CLDN10: variants seen among roughly 807,000 people sequenced by gnomAD.
CLDN10 encodes claudin-10.
Under a neutral mutation model 22.9 loss-of-function variants are expected in CLDN10, and 15 were observed. The observed-to-expected ratio is 0.65, with a 90% CI of 0.44 to 1.01. CLDN10 has a LOEUF of 1.01. CLDN10 is among the 50% of genes least tolerant of loss of function. CLDN10 has a pLI of 0.00. For synonymous variants in CLDN10, 114 were observed against 111.4 expected, an observed-to-expected ratio of 1.02 and a Z score of -0.15; for missense variants, 247 against 287.8, an observed-to-expected ratio of 0.86 and a Z score of 1.03.
intron 1 of CLDN10, among the ~76,000 whole-genome samples, chr13:95,440,645 C>A (rs887359679): frequency 2.0e-5 from 3 of 152,200 alleles, no homozygotes; most frequent in African/African-American, 7.2e-5. Flanking sequence ...AGCTGCATTC[C>A]AGCCTGGGTG....
chr13:95,455,899 C>T (rs961647631), intron 1 of CLDN10, among the ~76,000 whole-genome samples: 1 of 152,218 alleles, frequency 6.6e-6, no homozygotes, highest in African/African-American at 2.4e-5. Flanking sequence ...AGGTCACACT[C>T]CCTTACCAAC....
intron 1 of CLDN10, among the ~76,000 whole-genome samples, chr13:95,466,926 G>T (rs1299339229): frequency 4.1e-5 from 6 of 147,714 alleles, no homozygotes; most frequent in Non-Finnish European, 7.4e-5. Flanking sequence ...TCCCAGGCTG[G>T]AGTGCAGTGG....
intron 1 of CLDN10, among the ~76,000 whole-genome samples, chr13:95,443,652 C>T (rs1052042967): frequency 6.6e-6 from 1 of 152,174 alleles, no homozygotes; most frequent in Non-Finnish European, 1.5e-5. Context: ...ATACTTTCAG[C>T]AGGCTTTGGA....
chr13:95,438,367 AGT>A lies in CLDN10; in HGVS notation c.214+4322_214+4323del, dbSNP rs2042292342. On this transcript the variant is annotated intron_variant, in intron 1 of 4. Coordinates refer to the CLDN10 transcript ENST00000376873. The stretch of plus-strand genomic sequence containing the variant: ...TGATCCTCCAGCCTAGGCCTCCCAG[AGT>A]GCTGGGATTACAGGCATGGGCCATC... Among the ~76,000 whole-genome samples, 4 of 152,296 alleles carry A rather than the reference AGT, an allele frequency of 2.6e-5. No homozygotes were observed. In the South Asian group the frequency reaches 8.3e-4, roughly 32 times the overall value.
intron 1 of CLDN10, among the ~76,000 whole-genome samples, chr13:95,535,934 G>T (rs1269049218): frequency 2.6e-5 from 4 of 152,070 alleles, no homozygotes; most frequent in Non-Finnish European, 4.4e-5. Context: ...ACAAGATAAA[G>T]AATGGGGACT....
At position 95,577,933 on chromosome 13, in the gene CLDN10, T is replaced by C. The variant is rs1197307811; in HGVS notation, c.606T>C (p.Ser202=). Residue 202 remains serine (S), a synonymous_variant, in exon 5 of 5, where the codon TCT becomes TCC. Transcript: ENST00000299339. ...ACAACGGGGCCACATCTGTCATGTC[T>C]TCTCGGACAAAGTATCATGGTGGAG... ...YTYNGATSVM[S]SRTKYHGGED... 10 of 1,613,870 alleles carry C rather than the reference T, an allele frequency of 6.2e-6. No homozygotes were observed. The South Asian group carries it at 1.1e-4, about 18-fold the overall frequency.
At position 95,533,098 on chromosome 13, in the gene CLDN10, T is replaced by C. The variant is rs143970689; in HGVS notation, c.215-27034T>C. Among the ~76,000 whole-genome samples, 444 of 152,120 alleles carry C rather than the reference T, an allele frequency of 2.9e-3. 1 individual carries two copies. Among genetic ancestry groups the C allele is most frequent in the African/African-American group, 0.01 (432 of 41,542 alleles). On this transcript the variant is annotated intron_variant, in intron 1 of 4. Coordinates refer to the CLDN10 transcript ENST00000376873. ...TACACTTAAGATTTATAAATTTCAT[T>C]GTATGTAATTTTTACATCAAAAGAA...
intron 1 of CLDN10, among the ~76,000 whole-genome samples, chr13:95,513,688 C>CGAGAAACTGAGAAAATGAAAAGGCTGT (rs1555294612): frequency 6.6e-6 from 1 of 152,164 alleles, no homozygotes; most frequent in Non-Finnish European, 1.5e-5. Flanking sequence ...ATCATTCATT[C>CGAGAAACTGAGAAAATGAAAAGGCTGT]ATAGATACAT....
chr13:95,439,348 A>AT (rs145433121), intron 1 of CLDN10, among the ~76,000 whole-genome samples: 54,672 of 148,458 alleles, frequency 0.37, 10,355 homozygotes, highest in South Asian at 0.49. Flanking sequence ...TTATGTTATT[A>AT]TTATTTTTTT....
At chr13:95,554,815 A>T (rs1016921624) in intron 1 of CLDN10, among the ~76,000 whole-genome samples, 1 of 152,206 alleles carries the variant, frequency 6.6e-6, no homozygotes, top group Non-Finnish European at 1.5e-5. Context: ...CATTGTGGAC[A>T]TTGGACCTTT....
Position 95,577,289 on chromosome 13 carries a change from G to T in CLDN10, c.523G>T (p.Gly175Cys). 6.2e-7 allele frequency: 1 copy of T among 1,614,078 alleles called. No individual in the cohort carries two copies. Among genetic ancestry groups the T allele is most frequent in the Non-Finnish European group, 8.5e-7 (1 of 1,180,012 alleles). Residue 175 changes from glycine (G) to cysteine (C), a missense_variant, in exon 4 of 5, where the codon GGT becomes TGT. Physicochemically the swap from Gly to Cys is radical, Grantham distance 159 (BLOSUM62 -3). Transcript: ENST00000299339. Reference sequence around the variant, plus strand: ...GGCAGGAGCCTCACTGTGCATAATTGGTGGTGTCATATTTTGCTTTTCAAT... The same window carrying T: ...GGCAGGAGCCTCACTGTGCATAATTTGTGGTGTCATATTTTGCTTTTCAAT... Reference protein sequence around the residue: ...GWAGASLCIIGGVIFCFSISD... With the variant: ...GWAGASLCIICGVIFCFSISD...
At chr13:95,501,576 G>A (rs778052765) in intron 1 of CLDN10, among the ~76,000 whole-genome samples, 1 of 152,188 alleles carries the variant, frequency 6.6e-6, no homozygotes, top group Non-Finnish European at 1.5e-5. Flanking sequence ...ATTGTCTGAA[G>A]TCAATACAGC....
intron 1 of CLDN10, among the ~76,000 whole-genome samples, chr13:95,485,872 G>A (rs1283042851): frequency 6.6e-6 from 1 of 152,148 alleles, no homozygotes; most frequent in Non-Finnish European, 1.5e-5. Context: ...TTCACTTGTA[G>A]TTCTCAGAAT....
Position 95,560,431 on chromosome 13 carries a change from G to T in CLDN10, c.432G>T (p.Thr144=). The change falls in exon 3 of 5, where the codon ACG becomes ACT. Residue 144 remains threonine (T), a synonymous_variant. Transcript: ENST00000299339. ...CCCTATATGCAAACAAAATCACAAC[G>T]GAATTCTTTGATCCTCTCTTTGTTG... ...GCSLYANKIT[T]EFFDPLFVEQ... is the part of the protein sequence containing the mutation. The T allele has an allele frequency of 6.2e-7, 1 of 1,613,836 alleles. No homozygotes were observed. Among genetic ancestry groups the T allele is most frequent in the South Asian group, 1.1e-5 (1 of 91,064 alleles).
At chr13:95,540,773 GT>G (rs1013731342) in intron 1 of CLDN10, among the ~76,000 whole-genome samples, 2 of 152,298 alleles carry the variant, frequency 1.3e-5, no homozygotes, top group East Asian at 1.9e-4. Flanking sequence ...AGGGAGTGAA[GT>G]TTTTTTGGGG....
At chr13:95,451,951 G>A (rs2042435773) in intron 1 of CLDN10, among the ~76,000 whole-genome samples, 2 of 152,152 alleles carry the variant, frequency 1.3e-5, no homozygotes, top group African/African-American at 4.8e-5. Flanking sequence ...AAGCATCCTG[G>A]CACACTTTTC....
chr13:95,459,521 G>A (rs1274687914), intron 1 of CLDN10, among the ~76,000 whole-genome samples: 1 of 152,228 alleles, frequency 6.6e-6, no homozygotes, highest in Admixed American at 6.5e-5. Flanking sequence ...GCCAAGGCTT[G>A]GGACTTGCAC....
At chr13:95,438,951 G>A (rs1266547630) in intron 1 of CLDN10, among the ~76,000 whole-genome samples, 5 of 142,754 alleles carry the variant, frequency 3.5e-5, no homozygotes, top group Admixed American at 7.2e-5. Context: ...ACTCCAGCCT[G>A]GGTGACAGAG....
intron 1 of CLDN10, among the ~76,000 whole-genome samples, chr13:95,493,907 G>A (rs2138521145): frequency 6.6e-6 from 1 of 152,076 alleles, no homozygotes; most frequent in South Asian, 2.1e-4. Context: ...ACGTTTTCAA[G>A]GTTCATCCAC....
Sources: gnomAD v4.1 joint callset for allele counts (sites outside exome capture counted in the v4.1 genomes callset) on GRCh38, gnomAD v4.1.1 for gene constraint, MANE v1.5 for transcripts, NCBI Gene and HGNC (gene_info 2026-07-23, HGNC 2026-07-21) for gene names.